The following RSBN1L variants were observed in gnomAD, a reference collection of about 807,000 sequenced individuals.
RSBN1L encodes the protein lysine-specific demethylase RSBN1L.
A neutral mutation model predicts 67.7 loss-of-function variants in RSBN1L; 30 were observed. The ratio of observed to expected loss-of-function variants is 0.44; its 90% CI spans 0.33 to 0.60. RSBN1L has a LOEUF of 0.60. Ranked by LOEUF, RSBN1L falls within the 20% of genes least tolerant of loss-of-function variation. The pLI, the probability that RSBN1L is intolerant of heterozygous loss-of-function variation, is 0.02. For missense variants in RSBN1L, 992 were observed against 1,031.7 expected (o/e 0.96, Z 0.53); for synonymous variants, 433 against 387.0 (o/e 1.12, Z -1.39).
Position 77,749,863 on chromosome 7 carries a change from A to T in RSBN1L, c.1143A>T (p.Ala381=). Residue 381 remains alanine (A), a synonymous_variant, in exon 3 of 8, where the codon GCA becomes GCT. Transcript: ENST00000334955. ...HLSPMEMERF[A]EEFVGLVFSE... ...CTCCTATGGAGATGGAGAGGTTTGCAGAAGAGTTTGTGGGTCTAGTGTTCA... is the reference window on the plus strand; with the variant it reads ...CTCCTATGGAGATGGAGAGGTTTGCTGAAGAGTTTGTGGGTCTAGTGTTCA... 1 of 1,614,186 alleles carries T rather than the reference A, an allele frequency of 6.2e-7. No individual in the cohort carries two copies. Among genetic ancestry groups the T allele is most frequent in the Non-Finnish European group, 8.5e-7 (1 of 1,180,020 alleles).
chr7:77,757,138 A>C (rs1202966269), intron 3 of RSBN1L, among the ~76,000 whole-genome samples: 1 of 152,244 alleles, frequency 6.6e-6, no homozygotes, highest in Non-Finnish European at 1.5e-5. Flanking sequence ...AGCTGTTTCT[A>C]TGATTTTTGT....
intron 1 of RSBN1L, among the ~76,000 whole-genome samples, chr7:77,722,150 G>C (rs1791128239): frequency 1.3e-5 from 2 of 152,146 alleles, no homozygotes; most frequent in Admixed American, 1.3e-4. Flanking sequence ...AGGAGAACTT[G>C]AACTTTTTTA....
chr7:77,757,427 A>G (rs1562806525), intron 3 of RSBN1L, among the ~76,000 whole-genome samples: 1 of 152,236 alleles, frequency 6.6e-6, no homozygotes, highest in African/African-American at 2.4e-5. Flanking sequence ...CCCTGAGGTT[A>G]GTGATATATT....
intron 1 of RSBN1L, among the ~76,000 whole-genome samples, chr7:77,716,322 G>GT (rs1360970636): frequency 2.0e-5 from 3 of 151,528 alleles, no homozygotes; most frequent in Non-Finnish European, 4.4e-5. Context: ...GTTTTGTTTT[G>GT]TTTTTGTTTT....
intron 2 of RSBN1L, 35 bp downstream of exon 2, chr7:77,736,561 T>TTA: frequency 8.3e-7 from 1 of 1,205,142 alleles, no homozygotes; most frequent in East Asian, 2.9e-5. Flanking sequence ...TTCTACTTTA[T>TTA]TATACTGTTC....
intron 1 of RSBN1L, among the ~76,000 whole-genome samples, chr7:77,704,420 GTTTTA>G (rs1790861619): frequency 6.6e-6 from 1 of 152,062 alleles, no homozygotes; most frequent in Non-Finnish European, 1.5e-5. Flanking sequence ...TATGTTGTAT[GTTTTA>G]TTTTTTCTTG....
chr7:77,717,519 T>A (rs1473129183), intron 1 of RSBN1L, among the ~76,000 whole-genome samples: 1 of 152,232 alleles, frequency 6.6e-6, no homozygotes, highest in Non-Finnish European at 1.5e-5. Flanking sequence ...TTTTTGTCTT[T>A]GAAATCTGAG....
chr7:77,747,793 C>T lies in RSBN1L; in HGVS notation c.704-1631C>T, dbSNP rs10267285. 8.5e-3 allele frequency among the ~76,000 whole-genome samples: 1,292 copies of T among 152,180 alleles called. 21 individuals are homozygous for T. The highest frequency in any genetic ancestry group is 0.029 in the African/African-American group (1,214 of 41,496). On this transcript the variant is annotated intron_variant, in intron 2 of 7. Coordinates refer to ENST00000334955, the MANE Select transcript of RSBN1L (RefSeq NM_198467.3). ...TACCAGTTTTCTGTATTAGTCCATT[C>T]TTATACTGCTATAAAGAAATACTTC...
chr7:77,744,661 A>C (rs1240624220), intron 2 of RSBN1L, among the ~76,000 whole-genome samples: 2 of 141,972 alleles, frequency 1.4e-5, no homozygotes, highest in African/African-American at 5.2e-5. Context: ...CAGGTGATTC[A>C]CCTGCCTCGG....
intron 4 of RSBN1L, among the ~76,000 whole-genome samples, chr7:77,766,939 A>G (rs557675374): frequency 1.3e-5 from 2 of 152,258 alleles, no homozygotes; most frequent in Non-Finnish European, 2.9e-5. Context: ...AAAATTACCA[A>G]ATATTACTTA....
At chr7:77,709,948 T>C (rs957063176) in intron 1 of RSBN1L, among the ~76,000 whole-genome samples, 1 of 152,256 alleles carries the variant, frequency 6.6e-6, no homozygotes, top group African/African-American at 2.4e-5. Context: ...TTTGTCTTGC[T>C]ATGTATGTTC....
chr7:77,779,154 G>T lies in RSBN1L; in HGVS notation c.2527G>T (p.Asp843Tyr). ...AHSNQDKKDDDILC is the reference protein window; with the variant it reads ...AHSNQDKKDDYILC Reference sequence around the variant, plus strand: ...TTCAAATCAAGATAAAAAAGACGATGACATTTTGTGCTAAATTTGCATATA... The same window carrying T: ...TTCAAATCAAGATAAAAAAGACGATTACATTTTGTGCTAAATTTGCATATA... The change falls in exon 8 of 8, where the codon GAC becomes TAC. Residue 843 changes from aspartate (D) to tyrosine (Y), a missense_variant. Coordinates refer to ENST00000334955, the MANE Select transcript of RSBN1L (RefSeq NM_198467.3). The T allele has an allele frequency of 6.3e-7, 1 of 1,579,464 alleles. No individual in the cohort carries two copies. The highest frequency in any genetic ancestry group is 1.2e-5 in the South Asian group (1 of 84,678).
intron 3 of RSBN1L, among the ~76,000 whole-genome samples, chr7:77,763,368 T>C (rs1791720719): frequency 6.6e-6 from 1 of 152,174 alleles, no homozygotes; most frequent in South Asian, 2.1e-4. Context: ...TAAATGGTTA[T>C]CGTCTCTCAA....
chr7:77,756,467 T>TA (rs1202920411), intron 3 of RSBN1L, among the ~76,000 whole-genome samples: 1 of 151,880 alleles, frequency 6.6e-6, no homozygotes, highest in African/African-American at 2.4e-5. Context: ...GTTTGGAAAA[T>TA]ACATTTAGCA....
intron 1 of RSBN1L, among the ~76,000 whole-genome samples, chr7:77,701,168 A>AC (rs1423703360): frequency 8.1e-5 from 11 of 135,702 alleles, no homozygotes; most frequent in South Asian, 2.3e-4. Flanking sequence ...AAAAAAAAAA[A>AC]AACAACAACA....
rs375081984 is a variant in RSBN1L, at chr7:77,775,974, T to G, written c.1794-2364T>G. 7.9e-5 allele frequency among the ~76,000 whole-genome samples: 12 copies of G among 152,212 alleles called. No individual in the cohort carries two copies. In the East Asian group the frequency reaches 1.9e-3, roughly 25 times the overall value. On this transcript the variant is annotated intron_variant, in intron 6 of 7. Transcript: ENST00000334955. Reference sequence around the variant, plus strand: ...GCTAGGCTGAGGCACAAGAATCGCTTGAACCTAGGAGGTGAAGGTTGCAGT... The same window carrying G: ...GCTAGGCTGAGGCACAAGAATCGCTGGAACCTAGGAGGTGAAGGTTGCAGT...
chr7:77,763,507 T>C (rs938913736), intron 3 of RSBN1L, among the ~76,000 whole-genome samples: 3 of 152,210 alleles, frequency 2.0e-5, no homozygotes, highest in Admixed American at 2.0e-4. Flanking sequence ...ATAGACTGCA[T>C]TACAGAGGTG....
At chr7:77,715,862 T>C (rs1274172486) in intron 1 of RSBN1L, among the ~76,000 whole-genome samples, 2 of 152,334 alleles carry the variant, frequency 1.3e-5, no homozygotes, top group East Asian at 3.9e-4. Flanking sequence ...TGAATAGTGA[T>C]GTTGAGCATC....
At position 77,701,159 on chromosome 7, in the gene RSBN1L, A is replaced by C. The variant is rs563711455; in HGVS notation, c.586+4104A>C. ...AGAGCAAGACTCTGGCTCAAAAAAA[A>C]AAAAAAAAAAACAACAACAACAACA... On this transcript the variant is annotated intron_variant, in intron 1 of 7. Coordinates refer to ENST00000334955, the MANE Select transcript of RSBN1L (RefSeq NM_198467.3). 7.5e-4 allele frequency among the ~76,000 whole-genome samples: 85 copies of C among 113,346 alleles called. 1 individual carries two copies. The South Asian group carries it at 0.02, about 27-fold the overall frequency. The allele number at this position is 113,346 out of a possible 152,430, so 74.4% of individuals were successfully genotyped here.
Sources: allele counts gnomAD v4.1 joint callset (sites outside exome capture counted in the v4.1 genomes callset), GRCh38; gene constraint gnomAD v4.1.1; transcripts MANE v1.5; gene names NCBI Gene and HGNC (gene_info 2026-07-23, HGNC 2026-07-21).